Variants in KLRG1 observed in about 807,000 individuals in gnomAD.
The protein encoded by KLRG1 is killer cell lectin like receptor G1.
Under a neutral mutation model 21.8 loss-of-function variants are expected in KLRG1, and 16 were observed. That is an observed-to-expected ratio of 0.73 (90% CI 0.50 to 1.11). The LOEUF is 1.11. Ranked by LOEUF, KLRG1 falls within the 50% of genes most tolerant of loss-of-function variation. The pLI is 0.00. For missense variants in KLRG1, 173 were observed against 218.3 expected (o/e 0.79, Z 1.31); for synonymous variants, 69 against 75.9 (o/e 0.91, Z 0.47).
chr12:9,207,729 T>C, the KLRG1 span, among the ~76,000 whole-genome samples: 2 of 152,180 alleles, frequency 1.3e-5, no homozygotes, highest in Admixed American at 1.3e-4. Context: ...CTAGACACTA[T>C]AGAGGAGAGG....
the KLRG1 span, chr12:9,163,985 A>G: frequency 8.2e-7 from 1 of 1,217,460 alleles, no homozygotes; most frequent in Non-Finnish European, 1.1e-6. Context: ...GAACAGTGGG[A>G]GGAGGTCATA....
chr12:9,061,694 G>A, the KLRG1 span, among the ~76,000 whole-genome samples: 3 of 151,934 alleles, frequency 2.0e-5, no homozygotes, highest in African/African-American at 4.8e-5. Context: ...TTTATTCTTC[G>A]ATCATGATGG....
At chr12:9,157,827 A>T in the KLRG1 span, 4 of 1,613,838 alleles carry the variant, frequency 2.5e-6, no homozygotes, top group South Asian at 2.2e-5. Context: ...GGGTCGCTTC[A>T]TCTTCTACAC....
At chr12:8,998,894 AT>A (rs1251539546) in intron 3 of KLRG1, among the ~76,000 whole-genome samples, 2 of 152,118 alleles carry the variant, frequency 1.3e-5, no homozygotes, top group Non-Finnish European at 2.9e-5. Context: ...GGATATTTAA[AT>A]TTATTTATTG....
the KLRG1 span, among the ~76,000 whole-genome samples, chr12:9,156,888 T>TA: frequency 6.6e-6 from 1 of 152,066 alleles, no homozygotes; most frequent in East Asian, 1.9e-4. Flanking sequence ...GCACAGTTTT[T>TA]AAAAAAACTT....
chr12:9,112,649 T>C, the KLRG1 span: 1 of 1,172,020 alleles, frequency 8.5e-7, no homozygotes, highest in Non-Finnish European at 1.2e-6. Flanking sequence ...CTTCACTCCC[T>C]TGTTCTCAGC....
chr12:9,144,158 C>T, the KLRG1 span, among the ~76,000 whole-genome samples: 1 of 151,754 alleles, frequency 6.6e-6, no homozygotes, highest in Non-Finnish European at 1.5e-5. Flanking sequence ...ACCAGAGCCA[C>T]ATGAGGAAGA....
the KLRG1 span, among the ~76,000 whole-genome samples, chr12:9,046,261 G>T: frequency 1.3e-5 from 2 of 152,256 alleles, no homozygotes; most frequent in Middle Eastern, 3.4e-3. Flanking sequence ...AGAACTATGG[G>T]ACAATTATGA....
At chr12:9,165,071 CAGT>C in the KLRG1 span, 6 of 1,526,544 alleles carry the variant, frequency 3.9e-6, no homozygotes, top group African/African-American at 6.9e-5. Context: ...GGAACAGAAT[CAGT>C]AGCTGACTGA....
the KLRG1 span, among the ~76,000 whole-genome samples, chr12:9,129,405 TCTGA>T: frequency 6.6e-6 from 1 of 152,018 alleles, no homozygotes; most frequent in Admixed American, 6.6e-5. Flanking sequence ...CTAATCTTTC[TCTGA>T]CTATAAAAAG....
downstream of KLRG1, among the ~76,000 whole-genome samples, chr12:9,015,548 A>G (rs1334986047): frequency 6.6e-6 from 1 of 152,226 alleles, no homozygotes; most frequent in Non-Finnish European, 1.5e-5. Context: ...ATAGACCCCA[A>G]TGCAATAATA....
At chr12:9,169,055 G>A in the KLRG1 span, 1 of 966,512 alleles carries the variant, frequency 1.0e-6, no homozygotes, top group Non-Finnish European at 1.6e-6. Context: ...ACTTCTCTAT[G>A]TAATTCCAGT....
At chr12:9,193,979 T>C in the KLRG1 span, 1 of 1,179,958 alleles carries the variant, frequency 8.5e-7, no homozygotes, top group South Asian at 2.1e-5. Flanking sequence ...GATATCTTCT[T>C]ATTTCTTACT....
chr12:9,210,175 G>A, the KLRG1 span, among the ~76,000 whole-genome samples: 2 of 152,100 alleles, frequency 1.3e-5, no homozygotes, highest in Non-Finnish European at 2.9e-5. Context: ...ATACCCATCT[G>A]CAACAGTGGA....
chr12:9,145,649 T>C, the KLRG1 span, among the ~76,000 whole-genome samples: 1 of 152,206 alleles, frequency 6.6e-6, no homozygotes, highest in Admixed American at 6.5e-5. Flanking sequence ...TTTCATACCT[T>C]CTCTTGATAT....
intron 3 of KLRG1, among the ~76,000 whole-genome samples, chr12:9,003,476 A>T (rs888019659): frequency 7.2e-5 from 11 of 151,998 alleles, no homozygotes; most frequent in Non-Finnish European, 1.0e-4. Context: ...GAAAATATTA[A>T]AAAAAATCCA....
At chr12:8,959,490 C>T (rs1366784791) in intron 1 of KLRG1, among the ~76,000 whole-genome samples, 1 of 152,180 alleles carries the variant, frequency 6.6e-6, no homozygotes, top group Non-Finnish European at 1.5e-5. Flanking sequence ...AGCCCCCTGC[C>T]TGCCAAAGTA....
chr12:9,106,129 A>T, the KLRG1 span: 5 of 622,092 alleles, frequency 8.0e-6, no homozygotes, highest in Non-Finnish European at 1.4e-5. Context: ...ACTTTTGGTT[A>T]TATTAAATGA....
chr12:9,035,615 A>AC, the KLRG1 span, among the ~76,000 whole-genome samples: 1 of 151,936 alleles, frequency 6.6e-6, no homozygotes, highest in South Asian at 2.1e-4. Context: ...AAAAGACAGA[A>AC]CTACCATTCA....
Sources: gnomAD v4.1 joint callset for allele counts (sites outside exome capture counted in the v4.1 genomes callset) on GRCh38, gnomAD v4.1.1 for gene constraint, MANE v1.5 for transcripts, NCBI Gene and HGNC (gene_info 2026-07-23, HGNC 2026-07-21) for gene names.